Variants in FER1L6 observed in about 807,000 individuals in gnomAD.
FER1L6 encodes fer-1 like family member 6.
FER1L6 carries 177 observed loss-of-function variants against 219.2 expected under a neutral mutation model. The observed-to-expected ratio is 0.81, with a 90% CI of 0.71 to 0.91. The LOEUF is 0.91. FER1L6 is among the 40% of genes least tolerant of loss of function. The pLI, the probability that FER1L6 is intolerant of heterozygous loss-of-function variation, is 0.00. For missense variants in FER1L6, 2,153 were observed against 2,259.9 expected (o/e 0.95, Z 0.96); for synonymous variants, 768 against 824.3 (o/e 0.93, Z 1.17).
At chr8:123,913,155 G>A (rs781536449) in intron 1 of FER1L6, among the ~76,000 whole-genome samples, 11 of 152,038 alleles carry the variant, frequency 7.2e-5, no homozygotes, top group African/African-American at 2.4e-4. Flanking sequence ...CACAGAGACT[G>A]GGGAAGTTAT....
In FER1L6 at chr8:123,956,062, A is replaced by C. The variant is rs781427155; in HGVS notation, c.64A>C (p.Lys22Gln). ...AGAGAAGGGGTTAATCCTAGCCAAC[A>C]AGGCTGCGAAAGGTGAGGCTGGGGG... The part of the protein sequence containing the change: ...KAEKGLILAN[K>Q]AAKDSQGDTE... The change falls in exon 2 of 41, where the codon AAG becomes CAG. Residue 22 changes from lysine (K) to glutamine (Q), a missense_variant. Lys to Gln is a moderately conservative substitution (Grantham distance 53). Transcript: ENST00000522917. The C allele has an allele frequency of 3.7e-6, 6 of 1,610,658 alleles. No individual in the cohort carries two copies. In the South Asian group the frequency reaches 6.7e-5, roughly 18 times the overall value.
intron 27 of FER1L6, among the ~76,000 whole-genome samples, chr8:124,067,197 C>T (rs886303678): frequency 1.3e-5 from 2 of 152,164 alleles, no homozygotes; most frequent in African/African-American, 2.4e-5. Flanking sequence ...ATTGAATGCA[C>T]TTCTGCTTCT....
chr8:123,893,342 T>C (rs1353889277), intron 1 of FER1L6, among the ~76,000 whole-genome samples: 2 of 152,220 alleles, frequency 1.3e-5, no homozygotes, highest in Non-Finnish European at 2.9e-5. Context: ...TAACCCAATA[T>C]GAAGCAGAAC....
chr8:124,068,688 G>A (rs1820931565), intron 28 of FER1L6, among the ~76,000 whole-genome samples: 2 of 152,136 alleles, frequency 1.3e-5, no homozygotes, highest in African/African-American at 4.8e-5. Context: ...TGCTAGTTGG[G>A]TGAATGGGCA....
chr8:123,863,817 A>G (rs1354333689), intron 1 of FER1L6, among the ~76,000 whole-genome samples: 3 of 149,250 alleles, frequency 2.0e-5, no homozygotes, highest in Non-Finnish European at 4.4e-5. Flanking sequence ...GCCTTTTTTT[A>G]TTTTCCATTT....
chr8:123,869,571 T>C (rs1323917881), intron 1 of FER1L6, among the ~76,000 whole-genome samples: 1 of 152,232 alleles, frequency 6.6e-6, no homozygotes, highest in Non-Finnish European at 1.5e-5. Flanking sequence ...AAGGAAGAGA[T>C]ATTTATGAAT....
chr8:123,917,577 T>C (rs1813226283), intron 1 of FER1L6, among the ~76,000 whole-genome samples: 1 of 152,202 alleles, frequency 6.6e-6, no homozygotes, highest in Non-Finnish European at 1.5e-5. Context: ...AGAAAAAACA[T>C]AGCTCTACAG....
intron 33 of FER1L6, among the ~76,000 whole-genome samples, chr8:124,083,542 T>C (rs370725113): frequency 1.3e-5 from 2 of 152,128 alleles, no homozygotes; most frequent in African/African-American, 4.8e-5. Context: ...TGTGGATGAA[T>C]AGATTTATTT....
At chr8:123,904,260 G>GTGTGTGTGTGTGA (rs905942785) in intron 1 of FER1L6, among the ~76,000 whole-genome samples, 6 of 150,534 alleles carry the variant, frequency 4.0e-5, no homozygotes, top group Admixed American at 2.0e-4. Context: ...GTGTGTGTGT[G>GTGTGTGTGTGTGA]TGTGTGTGAT....
At chr8:124,020,243 A>G (rs540549020) in intron 16 of FER1L6, among the ~76,000 whole-genome samples, 6 of 151,958 alleles carry the variant, frequency 3.9e-5, no homozygotes, top group Non-Finnish European at 7.4e-5. Flanking sequence ...CCAGCCATGT[A>G]GAACTGTGAG....
chr8:123,931,081 A>G (rs1813744236), intron 1 of FER1L6, among the ~76,000 whole-genome samples: 1 of 152,242 alleles, frequency 6.6e-6, no homozygotes, highest in Non-Finnish European at 1.5e-5. Flanking sequence ...CCCCAAAGCC[A>G]TAAGGGTAAG....
intron 39 of FER1L6, among the ~76,000 whole-genome samples, chr8:124,106,277 C>T (rs1321790169): frequency 1.4e-4 from 17 of 118,492 alleles, no homozygotes; most frequent in Non-Finnish European, 4.8e-5. Flanking sequence ...TGCAGTGAGC[C>T]GAGATCGTGC....
intron 14 of FER1L6, 37 bp downstream of exon 14, chr8:124,010,751 G>A (rs770982619): frequency 1.2e-6 from 2 of 1,606,204 alleles, no homozygotes; most frequent in Admixed American, 3.4e-5. Context: ...TAGAGAATTG[G>A]GAAGCTGGTG....
At chr8:123,999,662 CAAAACA>C (rs772488663) in intron 12 of FER1L6, among the ~76,000 whole-genome samples, 390 of 152,078 alleles carry the variant, frequency 2.6e-3, no homozygotes, top group African/African-American at 4.2e-3. Flanking sequence ...GACTCCATCT[CAAAACA>C]AAAACAAAAA....
chr8:124,064,922 G>C (rs1366401336), intron 26 of FER1L6, among the ~76,000 whole-genome samples: 9 of 152,242 alleles, frequency 5.9e-5, no homozygotes, highest in South Asian at 4.1e-4. Flanking sequence ...ATGGGACCAA[G>C]AAGATGCATC....
At chr8:124,052,388 C>T (rs913061210) in intron 22 of FER1L6, among the ~76,000 whole-genome samples, 1 of 152,188 alleles carries the variant, frequency 6.6e-6, no homozygotes, top group African/African-American at 2.4e-5. Context: ...GTTTCAGGCA[C>T]AGTCCCTTCC....
chr8:123,921,739 T>C (rs1813369604), intron 1 of FER1L6, among the ~76,000 whole-genome samples: 2 of 152,066 alleles, frequency 1.3e-5, no homozygotes, highest in South Asian at 4.2e-4. Flanking sequence ...CTGTGGGGTA[T>C]CTGGGGCTGG....
At chr8:123,947,034 C>T (rs997198628) in intron 1 of FER1L6, among the ~76,000 whole-genome samples, 7 of 151,908 alleles carry the variant, frequency 4.6e-5, no homozygotes, top group Non-Finnish European at 1.0e-4. Flanking sequence ...GTGCTGTAAT[C>T]CCAGCACTTA....
intron 24 of FER1L6, among the ~76,000 whole-genome samples, chr8:124,061,321 C>A (rs10094266): frequency 6.6e-6 from 1 of 152,024 alleles, no homozygotes; most frequent in Non-Finnish European, 1.5e-5. Context: ...ATTGCTTTGC[C>A]CAACCCAGCC....
Sources: allele counts gnomAD v4.1 joint callset (sites outside exome capture counted in the v4.1 genomes callset), GRCh38; gene constraint gnomAD v4.1.1; transcripts MANE v1.5; gene names NCBI Gene and HGNC (gene_info 2026-07-23, HGNC 2026-07-21).